The following ACACB variants were observed in gnomAD, a reference collection of about 807,000 sequenced individuals.
The protein encoded by ACACB is acetyl-CoA carboxylase beta.
Under a neutral mutation model 278.8 loss-of-function variants are expected in ACACB, and 209 were observed. The ratio of observed to expected loss-of-function variants is 0.75; its 90% confidence interval spans 0.67 to 0.84. The LOEUF (loss-of-function observed/expected upper bound fraction) is 0.84. ACACB is among the 40% of genes least tolerant of loss of function. The pLI is 0.00. For missense variants in ACACB, 2,850 were observed against 3,269.0 expected (o/e 0.87, Z 3.13); for synonymous variants, 1,174 against 1,285.6 (o/e 0.91, Z 1.86).
chr12:109,115,550 G>A (rs899660303), upstream of ACACB, among the ~76,000 whole-genome samples: 1 of 150,818 alleles, frequency 6.6e-6, no homozygotes, highest in Non-Finnish European at 1.5e-5. Context: ...CATATGACTC[G>A]GGCCGGGCAT....
rs768060807 is a variant in ACACB, at chr12:109,191,765, T to C, written c.2295+2T>C. On this transcript the variant is annotated splice_donor_variant, in intron 14 of 52. Coordinates refer to ENST00000338432, the MANE Select transcript of ACACB (RefSeq NM_001093.4). LOFTEE classifies it high-confidence loss of function. ...TACCTCATTGCTGAGAAAGTGCAGG[T>C]AGGGAGTGAGCTGCCTGTGTCTCCC... is the stretch of plus-strand genomic sequence containing the variant. 1.2e-6 allele frequency: 2 copies of C among 1,614,134 alleles called. No individual in the cohort carries two copies. The highest frequency in any genetic ancestry group is 1.7e-6 in the Non-Finnish European group (2 of 1,180,002).
Position 109,174,201 on chromosome 12 carries a change from A to G in ACACB, c.1187A>G (p.Gln396Arg), listed in dbSNP as rs201859471. ...IASTVVAQTL[Q>R]VPTLPWSGSG... is the part of the protein sequence containing the mutation. ...TCCACCGTTGTCGCCCAGACGCTAC[A>G]GGTCCCAACCCTGCCCTGGAGTGGA... The change falls in exon 7 of 53, where the codon CAG becomes CGG. Residue 396 changes from glutamine (Q) to arginine (R), a missense_variant. Gln to Arg is a conservative substitution (Grantham distance 43). Coordinates refer to ENST00000338432, the MANE Select transcript of ACACB (RefSeq NM_001093.4). 18 of 1,613,084 alleles carry G rather than the reference A, an allele frequency of 1.1e-5. No individual in the cohort carries two copies. The East Asian group carries it at 2.7e-4, about 24-fold the overall frequency.
intron 20 of ACACB, among the ~76,000 whole-genome samples, 180 bp from the exon 21 acceptor site, chr12:109,208,985 T>G (rs1032060184): frequency 3.3e-5 from 5 of 152,126 alleles, no homozygotes; most frequent in Admixed American, 3.3e-4. Context: ...AAACTGAGTA[T>G]TCCCCTGTGG....
At position 109,252,056 on chromosome 12, in the gene ACACB, G is replaced by A. The variant is rs1049370630; in HGVS notation, c.5801G>A (p.Arg1934Gln). ...GTCCTCTCTCCACAGGTGACCTGCC[G>A]AGCCATTGGGATTGGGGCCTACTTG... ...EIVTISLVTC[R>Q]AIGIGAYLVR... Residue 1934 changes from arginine to glutamine, a missense_variant, in exon 42 of 53, where the codon CGA becomes CAA. By Grantham distance (43) the Arg-to-Gln change is conservative. Around this residue, in one of 3 missense-constraint regions of ACACB, gnomAD observed 6 missense variants for 23.0 expected, o/e 0.26. Transcript: ENST00000338432. 1.2e-5 allele frequency: 20 copies of A among 1,612,196 alleles called. No individual in the cohort carries two copies. Among genetic ancestry groups the A allele is most frequent in the East Asian group, 6.7e-5 (3 of 44,828 alleles).
intron 21 of ACACB, among the ~76,000 whole-genome samples, chr12:109,212,379 T>A (rs2045874078): frequency 6.6e-6 from 1 of 152,146 alleles, no homozygotes; most frequent in Non-Finnish European, 1.5e-5. Context: ...TCTATTATGA[T>A]TACATTGTAA....
At position 109,174,245 on chromosome 12, in the gene ACACB, G is replaced by A. The variant is rs1441476794; in HGVS notation, c.1216+15G>A. On this transcript the variant is annotated intron_variant, in intron 7 of 52. Coordinates refer to ENST00000338432, the MANE Select transcript of ACACB (RefSeq NM_001093.4). The stretch of plus-strand genomic sequence containing the variant: ...GAGTGGAAGCGGTAAGGGACCCCGA[G>A]CTTCCCTCTGGGGGAGCTTCTCAGC... 1.3e-6 allele frequency: 2 copies of A among 1,598,914 alleles called. No homozygotes were observed. The highest frequency in any genetic ancestry group is 1.7e-4 in the Middle Eastern group (1 of 6,036).
At chr12:109,137,882 GCTTTT>G (rs1427690009) in intron 1 of ACACB, among the ~76,000 whole-genome samples, 1 of 148,634 alleles carries the variant, frequency 6.7e-6, no homozygotes, top group Admixed American at 6.8e-5. Context: ...TGCCTCCTGG[GCTTTT>G]CTTTTCTTTT....
At chr12:109,232,427 A>C (rs1370593501) in intron 28 of ACACB, among the ~76,000 whole-genome samples, 1 of 152,182 alleles carries the variant, frequency 6.6e-6, no homozygotes, top group African/African-American at 2.4e-5. Flanking sequence ...CTGGACTCTC[A>C]TGCATGAATC....
rs766323958 is a variant in ACACB at position 109,256,155 on chromosome 12, GGC to G, written c.6183_6184del (p.Trp2061Ter). 2.5e-6 allele frequency: 4 copies of G among 1,613,892 alleles called. No individual in the cohort carries two copies. In the South Asian group the frequency reaches 4.4e-5, roughly 18 times the overall value. On this transcript the variant is annotated stop_gained and frameshift_variant, in exon 45 of 53. Coordinates refer to ENST00000338432, the MANE Select transcript of ACACB (RefSeq NM_001093.4). LOFTEE classifies it high-confidence loss of function. The stretch of plus-strand genomic sequence containing the variant: ...CTGTCCACAGCTCTGAAGGGAACGT[GGC>G]AGAGCGGATTCTTTGACCACGGCAG...
intron 16 of ACACB, among the ~76,000 whole-genome samples, chr12:109,195,953 C>T (rs769393903): frequency 6.6e-6 from 1 of 152,142 alleles, no homozygotes; most frequent in Non-Finnish European, 1.5e-5. Context: ...TCAGACAGGG[C>T]AGATCTAAAG....
chr12:109,144,862 A>G (rs1384293420), intron 2 of ACACB, among the ~76,000 whole-genome samples: 3 of 147,414 alleles, frequency 2.0e-5, no homozygotes, highest in Non-Finnish European at 1.5e-5. Context: ...CCCGGGTTCA[A>G]GTGATTCTTC....
chr12:109,121,642 G>A (rs186156537), intron 1 of ACACB, among the ~76,000 whole-genome samples: 1 of 152,308 alleles, frequency 6.6e-6, no homozygotes, highest in African/African-American at 2.4e-5. Context: ...AGATGCCTGT[G>A]CCCAGGGCCT....
intron 20 of ACACB, among the ~76,000 whole-genome samples, chr12:109,207,560 A>G (rs2045558691): frequency 6.6e-6 from 1 of 152,232 alleles, no homozygotes; most frequent in South Asian, 2.1e-4. Context: ...AAGACCCATG[A>G]TGCTCATAGC....
chr12:109,260,149 T>A, intron 47 of ACACB: 1 of 1,401,374 alleles, frequency 7.1e-7, no homozygotes, highest in African/African-American at 1.4e-5. Context: ...TCAGTGTGAC[T>A]GTTAGTGAGG....
At chr12:109,112,841 G>A (rs1358296297), upstream of ACACB, among the ~76,000 whole-genome samples, 2 of 152,070 alleles carry the variant, frequency 1.3e-5, no homozygotes, top group African/African-American at 2.4e-5. Context: ...TTAGGTCAGC[G>A]GTTGGCAAAC....
intron 22 of ACACB, among the ~76,000 whole-genome samples, chr12:109,214,930 T>G (rs1593596447): frequency 6.6e-6 from 1 of 152,208 alleles, no homozygotes; most frequent in Middle Eastern, 3.4e-3. Flanking sequence ...AAACCCTGTC[T>G]ACAAAATATA....
intron 7 of ACACB, 51 bp from the exon 8 acceptor site, chr12:109,175,880 G>T (rs2044266696): frequency 6.5e-7 from 1 of 1,534,236 alleles, no homozygotes. Flanking sequence ...TCTGGGTTGT[G>T]TGTGTTTCTC....
At chr12:109,196,378 G>A (rs2045129830) in intron 16 of ACACB, among the ~76,000 whole-genome samples, 1 of 152,156 alleles carries the variant, frequency 6.6e-6, no homozygotes, top group Non-Finnish European at 1.5e-5. Flanking sequence ...AGGCTGGGAA[G>A]GTCAATATCA....
intron 1 of ACACB, among the ~76,000 whole-genome samples, chr12:109,120,263 C>T (rs112094176): frequency 2.0e-5 from 3 of 152,300 alleles, no homozygotes; most frequent in Admixed American, 6.5e-5. Context: ...ACCAGGCTGC[C>T]TGTGGTTTAC....
Sources: gnomAD v4.1 joint callset for allele counts (sites outside exome capture counted in the v4.1 genomes callset) on GRCh38, gnomAD v4.1.1 for gene constraint, gnomAD v4.1.1 regional missense constraint, MANE v1.5 for transcripts, NCBI Gene and HGNC (gene_info 2026-07-23, HGNC 2026-07-21) for gene names.